The following ANKH variants were observed in gnomAD, a reference collection of about 807,000 sequenced individuals.
The protein encoded by ANKH is mineralization regulator ANKH.
A neutral mutation model predicts 49.0 loss-of-function variants in ANKH; 15 were observed. The observed-to-expected ratio is 0.31, with a 90% CI of 0.20 to 0.47. The LOEUF (loss-of-function observed/expected upper bound fraction) is 0.47, where lower values mean the gene tolerates loss of function less well. ANKH is among the 20% of genes least tolerant of loss of function. The pLI is 1.00. For missense variants in ANKH, 429 were observed against 652.0 expected (o/e 0.66, Z 3.72); for synonymous variants, 273 against 260.0 (o/e 1.05, Z -0.48).
chr5:14,829,559 C>T (rs1377367207), intron 1 of ANKH, among the ~76,000 whole-genome samples: 1 of 152,114 alleles, frequency 6.6e-6, no homozygotes, highest in East Asian at 1.9e-4. Flanking sequence ...TGCATTTGGG[C>T]GAGTTGCCTG....
rs532028363 is a variant in ANKH, at chr5:14,848,564, T to C, written c.96+22788A>G. Among the ~76,000 whole-genome samples the C allele has an allele frequency of 7.7e-4, 117 of 152,342 alleles. 1 individual carries two copies. The highest frequency in any genetic ancestry group is 2.7e-3 in the African/African-American group (114 of 41,582). The stretch of plus-strand genomic sequence containing the variant: ...CCGCCATCGCAGACCCGCCGCTGAC[T>C]TCCACCCCTCCAGATTCGGCAGGGT... On this transcript the variant is annotated intron_variant, in intron 1 of 11. Transcript: ENST00000284268.
At chr5:14,742,689 T>C (rs772334904) in intron 7 of ANKH, among the ~76,000 whole-genome samples, 1 of 152,204 alleles carries the variant, frequency 6.6e-6, no homozygotes, top group East Asian at 1.9e-4. Flanking sequence ...CTTGCTGAGA[T>C]AACGCCCTGC....
chr5:14,865,575 C>T (rs1445754735), intron 1 of ANKH, among the ~76,000 whole-genome samples: 1 of 152,172 alleles, frequency 6.6e-6, no homozygotes, highest in African/African-American at 2.4e-5. Context: ...AGATCCCTGT[C>T]ATGTTCCTTA....
intron 1 of ANKH, among the ~76,000 whole-genome samples, chr5:14,852,660 G>T (rs1302335160): frequency 6.6e-6 from 1 of 152,040 alleles, no homozygotes; most frequent in Non-Finnish European, 1.5e-5. Context: ...ACTGCCTTAC[G>T]TGTGTCCCTA....
intron 1 of ANKH, among the ~76,000 whole-genome samples, chr5:14,860,927 C>T (rs909973430): frequency 3.9e-5 from 6 of 151,958 alleles, no homozygotes; most frequent in Non-Finnish European, 7.4e-5. Context: ...GGACTACAGG[C>T]GCCCACCACC....
At chr5:14,836,748 C>T (rs1034479423) in intron 1 of ANKH, among the ~76,000 whole-genome samples, 84 of 152,122 alleles carry the variant, frequency 5.5e-4, no homozygotes, top group African/African-American at 1.8e-3. Context: ...TGACTTTCTT[C>T]ACAGAATTGG....
chr5:14,817,651 G>C (rs548865576), intron 1 of ANKH, among the ~76,000 whole-genome samples: 2 of 152,292 alleles, frequency 1.3e-5, no homozygotes, highest in African/African-American at 4.8e-5. Flanking sequence ...CAAGTGTGAA[G>C]AAGTAAAAGG....
chr5:14,825,641 T>C (rs1117282), intron 1 of ANKH, among the ~76,000 whole-genome samples: 140,562 of 152,284 alleles, frequency 0.92, 64,999 homozygotes, highest in African/African-American at 0.98. Flanking sequence ...ATGTGAGCCA[T>C]CATGCCCAGC....
Position 14,709,788 on chromosome 5 carries a change from G to GT in ANKH, c.*1408dup, listed in dbSNP as rs572028652. 6.6e-5 allele frequency: 10 copies of GT among 152,646 alleles called. No homozygotes were observed. The South Asian group carries it at 2.1e-3, about 32-fold the overall frequency. The allele number at this position is 152,646 out of a possible 1,614,324, so 9.5% of individuals were successfully genotyped here. ...TTGATACAATACGTTTCAACTGCAGGTATGTTGAGCACACAAGCAATCACC... is the reference window on the plus strand; with the variant it reads ...TTGATACAATACGTTTCAACTGCAGGTTATGTTGAGCACACAAGCAATCACC... On this transcript the variant is annotated 3_prime_UTR_variant, in exon 12 of 12. Coordinates refer to ENST00000284268, the MANE Select transcript of ANKH (RefSeq NM_054027.6).
Position 14,711,020 on chromosome 5 carries a change from T to G in ANKH, c.*177A>C. On this transcript the variant is annotated 3_prime_UTR_variant, in exon 12 of 12. Coordinates refer to ENST00000284268, the MANE Select transcript of ANKH (RefSeq NM_054027.6). ...AAAGACCATTCACTAGGTCCCCCCG[T>G]CAGTGTGAGCATACCCAGTATGCTA... 1 of 661,878 alleles carries G rather than the reference T, an allele frequency of 1.5e-6. No homozygotes were observed. Among genetic ancestry groups the G allele is most frequent in the Non-Finnish European group, 2.7e-6 (1 of 364,088 alleles). The allele number at this position is 661,878 out of a possible 1,614,324, so 41.0% of individuals were successfully genotyped here. A position where few individuals can be genotyped will look rare whatever the true frequency, so the allele number is the denominator to read the frequency against.
chr5:14,712,848 G>A (rs1737281071), intron 11 of ANKH, 26 bp downstream of exon 11: 1 of 1,579,084 alleles, frequency 6.3e-7, no homozygotes, highest in Non-Finnish European at 8.6e-7. Context: ...GCACCCGGGA[G>A]GAGGCTCCCG....
In ANKH at chr5:14,857,285, C is replaced by T. The variant is rs553973055; in HGVS notation, c.96+14067G>A. Among the ~76,000 whole-genome samples, 204 of 152,300 alleles carry T rather than the reference C, an allele frequency of 1.3e-3. 1 individual carries two copies. The highest frequency in any genetic ancestry group is 4.6e-3 in the African/African-American group (190 of 41,556). On this transcript the variant is annotated intron_variant, in intron 1 of 11. Transcript: ENST00000284268. ...CCCTCCCCACAAGTATGCCTAGCCA[C>T]ACATGCAGTATATATTTGGTCCAAA...
chr5:14,789,792 C>T (rs1416167967), intron 1 of ANKH, among the ~76,000 whole-genome samples: 17 of 152,142 alleles, frequency 1.1e-4, no homozygotes, highest in Non-Finnish European at 2.5e-4. Flanking sequence ...CTCACTGCAA[C>T]CTCCGATTCC....
At chr5:14,773,353 C>CT (rs71603741) in intron 1 of ANKH, among the ~76,000 whole-genome samples, 20,555 of 76,400 alleles carry the variant, frequency 0.27, 4,331 homozygotes, top group East Asian at 0.4. Context: ...GCAAAGCATT[C>CT]TTTTTTTTTT....
At chr5:14,724,449 G>C in intron 8 of ANKH, 1 of 621,612 alleles carries the variant, frequency 1.6e-6, no homozygotes, top group Non-Finnish European at 2.0e-6. Flanking sequence ...AATGGGCTAA[G>C]TCATGAAAAA....
chr5:14,818,832 G>A (rs542292471), intron 1 of ANKH, among the ~76,000 whole-genome samples: 20 of 152,092 alleles, frequency 1.3e-4, no homozygotes, highest in African/African-American at 3.9e-4. Flanking sequence ...TCTGGTCGCC[G>A]ACTCTTTGAA....
chr5:14,729,201 G>T (rs555950871), intron 8 of ANKH, among the ~76,000 whole-genome samples: 1 of 151,936 alleles, frequency 6.6e-6, no homozygotes, highest in Non-Finnish European at 1.5e-5. Flanking sequence ...TTACAGGCAC[G>T]TGCCACCATG....
chr5:14,797,940 T>G, intron 1 of ANKH: 1 of 1,585,866 alleles, frequency 6.3e-7, no homozygotes, highest in Non-Finnish European at 8.7e-7. Flanking sequence ...ATGTTTTGTA[T>G]AGTCAAAGAC....
intron 8 of ANKH, among the ~76,000 whole-genome samples, chr5:14,721,604 ATATAACT>A (rs1313570317): frequency 6.6e-6 from 1 of 152,224 alleles, no homozygotes; most frequent in Non-Finnish European, 1.5e-5. Flanking sequence ...TTAGGTATAC[ATATAACT>A]TAGAAAGGAA....
Sources: gnomAD v4.1 joint callset for allele counts (sites outside exome capture counted in the v4.1 genomes callset) on GRCh38, gnomAD v4.1.1 for gene constraint, MANE v1.5 for transcripts, NCBI Gene and HGNC (gene_info 2026-07-23, HGNC 2026-07-21) for gene names.